TBCD: variants seen among roughly 807,000 people sequenced by gnomAD.
TBCD encodes tubulin-specific chaperone D.
A neutral mutation model predicts 169.3 loss-of-function variants in TBCD; 105 were observed. That is an observed-to-expected ratio of 0.62 (90% CI 0.53 to 0.73). The LOEUF is 0.73. TBCD is among the 30% of genes least tolerant of loss of function. The probability of loss-of-function intolerance (pLI) is 0.00; values close to 1 mark genes in which losing one functional copy is unlikely to be tolerated. For missense variants in TBCD, 1,444 were observed against 1,600.1 expected (o/e 0.90, Z 1.66); for synonymous variants, 700 against 643.9 (o/e 1.09, Z -1.32).
intron 20 of TBCD, 47 bp downstream of exon 20, chr17:82,906,100 C>T (rs1382815599): frequency 1.4e-6 from 2 of 1,418,050 alleles, no homozygotes; most frequent in Non-Finnish European, 2.0e-6. Context: ...GTCCCTGATC[C>T]CCTCACCATG....
At chr17:82,840,876 C>G (rs1011419110) in intron 13 of TBCD, among the ~76,000 whole-genome samples, 2 of 149,224 alleles carry the variant, frequency 1.3e-5, no homozygotes, top group Non-Finnish European at 3.0e-5. Flanking sequence ...GTGTCAGGCC[C>G]TTGGATGAGC....
At chr17:82,871,227 T>C (rs1332179222) in intron 14 of TBCD, among the ~76,000 whole-genome samples, 1 of 2,162 alleles carries the variant, frequency 4.6e-4, no homozygotes, top group Non-Finnish European at 5.2e-3. Flanking sequence ...TTAGGAAACA[T>C]GCAAAACATG....
intron 37 of TBCD, among the ~76,000 whole-genome samples, chr17:82,939,899 C>T (rs2062968585): frequency 6.6e-6 from 1 of 152,216 alleles, no homozygotes; most frequent in African/African-American, 2.4e-5. Flanking sequence ...TCTCCCCACG[C>T]CTCTGCTCTG....
chr17:82,887,180 C>T (rs1453550419), intron 15 of TBCD, among the ~76,000 whole-genome samples: 18 of 110,424 alleles, frequency 1.6e-4, no homozygotes, highest in South Asian at 2.9e-4. Context: ...CGCGCGCGCG[C>T]ACGTGCGCTC....
chr17:82,831,088 C>G lies in TBCD; in HGVS notation c.1318+16154C>G. On this transcript the variant is annotated intron_variant, in intron 13 of 38. Transcript: ENST00000355528. The surrounding 1 kb of genome is among the most constrained non-coding windows in gnomAD (Gnocchi z 4.6). ...GCATTCTGTGCTTTTCTTAACAGGC[C>G]TGAAGGCTGTGAGGCTTTGCTCTGG... The G allele has an allele frequency of 6.2e-7, 1 of 1,614,166 alleles. No individual in the cohort carries two copies. Among genetic ancestry groups the G allele is most frequent in the Non-Finnish European group, 8.5e-7 (1 of 1,180,024 alleles).
chr17:82,874,960 C>T lies in TBCD; in HGVS notation c.1475+4580C>T, dbSNP rs943608509. Among the ~76,000 whole-genome samples the T allele has an allele frequency of 2.0e-4, 31 of 152,198 alleles. No individual in the cohort carries two copies. The highest frequency in any genetic ancestry group is 1.9e-3 in the Admixed American group (29 of 15,286). ...GATCAGAGCATCAGAGTGGAATTTT[C>T]GCAGGGAAATGGAAATGCCTGATCG... On this transcript the variant is annotated intron_variant, in intron 14 of 38. Transcript: ENST00000355528. This position sits in a 1 kb window ranked among gnomAD's most constrained non-coding sequence, Gnocchi z 5.0.
intron 34 of TBCD, 76 bp downstream of exon 34, chr17:82,932,811 C>T: frequency 1.4e-6 from 2 of 1,432,466 alleles, no homozygotes; most frequent in South Asian, 2.4e-5. Flanking sequence ...AGTCATCAGA[C>T]ACAGAGATCA....
At chr17:82,936,202 T>C (rs977399539) in intron 34 of TBCD, among the ~76,000 whole-genome samples, 1 of 152,232 alleles carries the variant, frequency 6.6e-6, no homozygotes. Flanking sequence ...CTCTCTTTGC[T>C]TCATTACCTT....
intron 37 of TBCD, among the ~76,000 whole-genome samples, 184 bp downstream of exon 37, chr17:82,939,660 C>T (rs1033029230): frequency 7.2e-5 from 11 of 152,244 alleles, no homozygotes; most frequent in Non-Finnish European, 1.2e-4. Flanking sequence ...AACCTCTTCT[C>T]AACCGCCCTG....
Position 82,767,796 on chromosome 17 carries a change from A to C in TBCD, c.436-624A>C, listed in dbSNP as rs2048091702. ...ACGGTGCAACCCTGTGTCTACAAAA[A>C]ATACAAAAATTAGCCTAGCATGGTG... is the stretch of plus-strand genomic sequence containing the variant. On this transcript the variant is annotated intron_variant, in intron 4 of 38. Transcript: ENST00000355528. Among the ~76,000 whole-genome samples, 5 of 152,220 alleles carry C rather than the reference A, an allele frequency of 3.3e-5. No individual in the cohort carries two copies. The South Asian group carries it at 1.0e-3, about 32-fold the overall frequency.
intron 14 of TBCD, among the ~76,000 whole-genome samples, chr17:82,878,252 G>T (rs2058100835): frequency 1.0e-5 from 1 of 98,300 alleles, no homozygotes; most frequent in Non-Finnish European, 2.2e-5. Context: ...TGATCTTGGG[G>T]CACTTAAAAA....
intron 6 of TBCD, among the ~76,000 whole-genome samples, chr17:82,778,518 G>A (rs1465350890): frequency 1.3e-5 from 2 of 152,140 alleles, no homozygotes; most frequent in Non-Finnish European, 2.9e-5. Context: ...GAGTGCAGTG[G>A]CGTGATCACA....
At chr17:82,926,637 C>A (rs2061786425) in intron 28 of TBCD, 146 bp downstream of exon 28, 5 of 671,576 alleles carry the variant, frequency 7.4e-6, no homozygotes, top group Non-Finnish European at 1.0e-5. Context: ...TCAGTCCCAG[C>A]TGCTGGAGGC....
intron 2 of TBCD, among the ~76,000 whole-genome samples, chr17:82,762,950 G>C (rs1215033152): frequency 1.3e-5 from 2 of 152,158 alleles, no homozygotes; most frequent in African/African-American, 4.8e-5. Flanking sequence ...AGTTGCAGTT[G>C]TTTTCCATGT....
At chr17:82,928,057 G>A (rs895237967) in intron 30 of TBCD, 69 bp downstream of exon 30, 37 of 1,437,456 alleles carry the variant, frequency 2.6e-5, no homozygotes, top group Middle Eastern at 1.7e-4. Flanking sequence ...CTGGCGGGGC[G>A]GGCGGTCCTG....
At position 82,789,979 on chromosome 17, in the gene TBCD, G is replaced by T. The variant is rs886953212; in HGVS notation, c.772-7778G>T. 6.6e-6 allele frequency among the ~76,000 whole-genome samples: 1 copy of T among 152,142 alleles called. No individual in the cohort carries two copies. The highest frequency in any genetic ancestry group is 2.4e-5 in the African/African-American group (1 of 41,414). ...GACGCCGTGTTCCCTCCCGCTGTCC[G>T]CTCACACCTGCCTGTGTGGACGTGG... On this transcript the variant is annotated intron_variant, in intron 7 of 38. Transcript: ENST00000355528. This position sits in a 1 kb window ranked among gnomAD's most constrained non-coding sequence, Gnocchi z 4.8.
At chr17:82,819,465 A>G (rs2052221818) in intron 13 of TBCD, among the ~76,000 whole-genome samples, 1 of 152,174 alleles carries the variant, frequency 6.6e-6, no homozygotes, top group Non-Finnish European at 1.5e-5. Context: ...GCACACCACC[A>G]CGCCCAGCTA....
intron 13 of TBCD, chr17:82,839,090 T>G (rs925575505): frequency 7.8e-6 from 5 of 641,730 alleles, no homozygotes; most frequent in African/African-American, 5.9e-5. Flanking sequence ...TTTGGTTTGG[T>G]TTTGTTTTCG....
rs548939781 is a variant in TBCD at position 82,930,536 on chromosome 17, C to T, written c.3006C>T (p.Thr1002=). The change falls in exon 33 of 39, where the codon ACC becomes ACT. Residue 1002 remains threonine (T), a synonymous_variant. Coordinates refer to ENST00000355528, the MANE Select transcript of TBCD (RefSeq NM_005993.5). The surrounding 1 kb of genome is among the most constrained non-coding windows in gnomAD (Gnocchi z 5.2). ...CCGTGTTGCAGATCCGGCACTCCAC[C>T]CAGAGCCTCTTTGAGTACATGAAGG... ...GLTESTIRHS[T]QSLFEYMKGI... is the part of the protein sequence containing the mutation. 2 of 1,613,472 alleles carry T rather than the reference C, an allele frequency of 1.2e-6. No individual in the cohort carries two copies. The highest frequency in any genetic ancestry group is 2.2e-5 in the South Asian group (2 of 90,976).
Sources: allele counts gnomAD v4.1 joint callset (sites outside exome capture counted in the v4.1 genomes callset), GRCh38; gene constraint gnomAD v4.1.1; non-coding constraint Gnocchi (gnomAD v3.1); transcripts MANE v1.5; gene names NCBI Gene and HGNC (gene_info 2026-07-23, HGNC 2026-07-21).